HELLS: variants seen among roughly 807,000 people sequenced by gnomAD.
HELLS encodes lymphoid-specific helicase.
HELLS carries 32 observed loss-of-function variants against 120.0 expected under a neutral mutation model. The ratio of observed to expected loss-of-function variants is 0.27; its 90% CI spans 0.20 to 0.36. The LOEUF (loss-of-function observed/expected upper bound fraction) is 0.36. Among genes scored for constraint, HELLS ranks in the 10% least tolerant of loss-of-function variants. The pLI is 1.00. For synonymous variants in HELLS, 341 were observed against 323.4 expected, an observed-to-expected ratio of 1.05 and a Z score of -0.58; for missense variants, 650 against 993.4, an observed-to-expected ratio of 0.65 and a Z score of 4.65.
intron 13 of HELLS, 86 bp downstream of exon 13, chr10:94,588,476 C>G: frequency 1.0e-6 from 1 of 975,866 alleles, no homozygotes; most frequent in African/African-American, 1.7e-5. Flanking sequence ...GAAGGTGTCG[C>G]TCTGTCACCC....
Position 94,601,718 on chromosome 10 carries a change from T to A in HELLS, c.*96T>A. On this transcript the variant is annotated 3_prime_UTR_variant, in exon 22 of 22. Coordinates refer to ENST00000348459, the MANE Select transcript of HELLS (RefSeq NM_018063.5). Reference sequence around the variant, plus strand: ...TACTGATTGTCCACTTCACCTTTTTTATTATATCAGTTGACATGTAACTAG... The same window carrying A: ...TACTGATTGTCCACTTCACCTTTTTAATTATATCAGTTGACATGTAACTAG... The A allele has an allele frequency of 1.6e-6, 1 of 631,604 alleles. No individual in the cohort carries two copies. The highest frequency in any genetic ancestry group is 2.8e-6 in the Non-Finnish European group (1 of 359,732). The allele number at this position is 631,604 out of a possible 1,614,324, so 39.1% of individuals were successfully genotyped here.
At chr10:94,559,270 A>T (rs565745052) in intron 4 of HELLS, among the ~76,000 whole-genome samples, 4 of 151,756 alleles carry the variant, frequency 2.6e-5, no homozygotes, top group East Asian at 1.9e-4. Flanking sequence ...GTGCTTTTTC[A>T]TGGTGATTTT....
intron 2 of HELLS, among the ~76,000 whole-genome samples, chr10:94,551,692 G>C (rs1589698515): frequency 6.6e-6 from 1 of 152,128 alleles, no homozygotes; most frequent in South Asian, 2.1e-4. Context: ...AACTACCCAA[G>C]TGCTAGGGCA....
At chr10:94,578,451 C>A (rs191388130) in intron 10 of HELLS, among the ~76,000 whole-genome samples, 669 of 152,224 alleles carry the variant, frequency 4.4e-3, no homozygotes, top group Non-Finnish European at 5.7e-3. Context: ...AATCCCAGCA[C>A]TTTGGGAAGC....
rs753026456 is a variant in HELLS at position 94,581,530 on chromosome 10, A to G, written c.1229+8A>G. On this transcript the variant is annotated splice_region_variant and intron_variant, in intron 11 of 21. Transcript: ENST00000348459. Reference sequence around the variant, plus strand: ...ATTTGATGACTTGAAAAGGTGGGTAAGCCAGTTATTTAATGATTTAACCTC... The same window carrying G: ...ATTTGATGACTTGAAAAGGTGGGTAGGCCAGTTATTTAATGATTTAACCTC... 2 of 1,579,730 alleles carry G rather than the reference A, an allele frequency of 1.3e-6. No homozygotes were observed. The highest frequency in any genetic ancestry group is 2.7e-5 in the African/African-American group (2 of 73,816).
chr10:94,574,386 G>A, intron 8 of HELLS, 168 bp from the exon 9 acceptor site: 1 of 699,978 alleles, frequency 1.4e-6, no homozygotes. Context: ...CACTTTTATG[G>A]CTTTGATAAA....
intron 2 of HELLS, among the ~76,000 whole-genome samples, chr10:94,553,753 G>C (rs1843102484): frequency 6.6e-6 from 1 of 151,674 alleles, no homozygotes; most frequent in South Asian, 2.1e-4. Flanking sequence ...TCTCCATGTT[G>C]GTCCGGCTGG....
At chr10:94,565,872 T>C (rs1285943947) in intron 6 of HELLS, among the ~76,000 whole-genome samples, 1 of 151,886 alleles carries the variant, frequency 6.6e-6, no homozygotes, top group Non-Finnish European at 1.5e-5. Context: ...CAGAGAGAGA[T>C]ATAGGAGTAA....
At chr10:94,613,685 T>C (rs1183450879) in exon 10 of HELLS, 1 of 152,218 alleles carries the variant, frequency 6.6e-6, no homozygotes, top group Non-Finnish European at 1.5e-5. Context: ...TCTTTTAAAA[T>C]TGTATCATTG....
Position 94,592,291 on chromosome 10 carries a change from A to G in HELLS, c.1830A>G (p.Glu610=). The change falls in exon 16 of 22, where the codon GAA becomes GAG. Residue 610 remains glutamate (E), a synonymous_variant. Transcript: ENST00000348459. The stretch of plus-strand genomic sequence containing the variant: ...TGATTTTGGATCGAATGCTGCCAGA[A>G]CTAAAAAAAAGAGGTCACAAGGTGG... ...KFLILDRMLP[E]LKKRGHKVLL... 6.2e-7 allele frequency: 1 copy of G among 1,612,122 alleles called. No individual in the cohort carries two copies. The highest frequency in any genetic ancestry group is 1.1e-5 in the South Asian group (1 of 90,476).
chr10:94,576,160 C>T (rs992753690), intron 9 of HELLS, among the ~76,000 whole-genome samples: 1 of 151,952 alleles, frequency 6.6e-6, no homozygotes, highest in Admixed American at 6.6e-5. Flanking sequence ...GTTGCTCAGG[C>T]TGGAGTGCAG....
rs562915205 is a variant in HELLS at position 94,553,268 on chromosome 10, G to A, written c.154-858G>A. Among the ~76,000 whole-genome samples the A allele has an allele frequency of 2.1e-3, 306 of 147,446 alleles. 10 individuals carry two copies. Among genetic ancestry groups the A allele is most frequent in the Admixed American group, 0.02 (289 of 14,806 alleles). ...TACACATACCTTTTTTTTTTTTTCCGGACGGAGTCTCACTCTGTCACCCAG... is the reference window on the plus strand; with the variant it reads ...TACACATACCTTTTTTTTTTTTTCCAGACGGAGTCTCACTCTGTCACCCAG... On this transcript the variant is annotated intron_variant, in intron 2 of 21. Transcript: ENST00000348459.
In HELLS at chr10:94,584,942, A is replaced by G. The variant is rs529024939; in HGVS notation, c.1326+1883A>G. Among the ~76,000 whole-genome samples, 9 of 152,280 alleles carry G rather than the reference A, an allele frequency of 5.9e-5. No homozygotes were observed. The South Asian group carries it at 1.9e-3, about 32-fold the overall frequency. On this transcript the variant is annotated intron_variant, in intron 12 of 21. Coordinates refer to ENST00000348459, the MANE Select transcript of HELLS (RefSeq NM_018063.5). ...ATTACTTTTACGCTTTGTCCTAATT[A>G]TGTTTTAATGCATTACTACAGGAAA...
At chr10:94,600,655 C>T (rs1845991223) in intron 21 of HELLS, among the ~76,000 whole-genome samples, 1 of 152,160 alleles carries the variant, frequency 6.6e-6, no homozygotes, top group African/African-American at 2.4e-5. Context: ...CCTCTCCTCA[C>T]ACTGCACTTA....
chr10:94,583,651 C>T (rs965529541), intron 12 of HELLS, among the ~76,000 whole-genome samples: 45 of 152,072 alleles, frequency 3.0e-4, no homozygotes, highest in African/African-American at 1.1e-3. Context: ...CCTAGCAGTG[C>T]ATGTGGAATG....
At chr10:94,553,923 T>C (rs1173930581) in intron 2 of HELLS, among the ~76,000 whole-genome samples, 3 of 152,212 alleles carry the variant, frequency 2.0e-5, no homozygotes, top group Non-Finnish European at 4.4e-5. Context: ...AATTATAATA[T>C]TTTGATATAC....
chr10:94,571,921 A>C (rs1448963534), intron 7 of HELLS, among the ~76,000 whole-genome samples: 1 of 152,178 alleles, frequency 6.6e-6, no homozygotes, highest in Non-Finnish European at 1.5e-5. Flanking sequence ...TTAAAATTAC[A>C]AGGTTGCCTA....
At chr10:94,574,904 A>G (rs916277765) in intron 9 of HELLS, among the ~76,000 whole-genome samples, 168 bp downstream of exon 9, 2 of 152,172 alleles carry the variant, frequency 1.3e-5, no homozygotes, top group African/African-American at 2.4e-5. Flanking sequence ...AAATTTATAT[A>G]GTATAGGTTT....
At chr10:94,563,803 C>CT (rs1843664022) in intron 6 of HELLS, among the ~76,000 whole-genome samples, 1 of 125,118 alleles carries the variant, frequency 8.0e-6, no homozygotes, top group African/African-American at 2.7e-5. Context: ...TGTTGGTTTT[C>CT]TTTTCTTTTT....
Sources: allele counts gnomAD v4.1 joint callset (sites outside exome capture counted in the v4.1 genomes callset), GRCh38; gene constraint gnomAD v4.1.1; transcripts MANE v1.5; gene names NCBI Gene and HGNC (gene_info 2026-07-23, HGNC 2026-07-21).